VGLL4: variants seen among roughly 807,000 people sequenced by gnomAD.
VGLL4 encodes vestigial like family member 4, also known as transcription cofactor vestigial-like protein 4.
VGLL4 carries 7 observed loss-of-function variants against 21.0 expected under a neutral mutation model. The observed-to-expected ratio is 0.33, with a 90% confidence interval of 0.19 to 0.63. The LOEUF (loss-of-function observed/expected upper bound fraction) is 0.63, where lower values mean the gene tolerates loss of function less well. Ranked by LOEUF, VGLL4 falls within the 20% of genes least tolerant of loss-of-function variation. VGLL4 has a pLI of 0.78. For synonymous variants in VGLL4, 222 were observed against 173.2 expected (o/e 1.28, Z -2.21); for missense variants, 394 against 425.7 (o/e 0.93, Z 0.66).
chr3:11,700,002 T>C (rs746040684), intron 2 of VGLL4, among the ~76,000 whole-genome samples: 6 of 152,162 alleles, frequency 3.9e-5, no homozygotes, highest in East Asian at 1.9e-4. Context: ...TCCCAAACCA[T>C]AGGTTCCAAA....
chr3:11,701,173 G>C (rs1394139008), intron 2 of VGLL4, among the ~76,000 whole-genome samples: 1 of 152,090 alleles, frequency 6.6e-6, no homozygotes, highest in Non-Finnish European at 1.5e-5. Flanking sequence ...GGTCATGGGG[G>C]TGGATCCCTC....
chr3:11,694,919 T>C (rs538680018), intron 2 of VGLL4, among the ~76,000 whole-genome samples: 22 of 152,334 alleles, frequency 1.4e-4, no homozygotes, highest in African/African-American at 4.3e-4. Context: ...ATTTAGTTTA[T>C]AAATGTGTAT....
At chr3:11,575,613 G>A (rs995934922) in intron 2 of VGLL4, among the ~76,000 whole-genome samples, 4 of 152,206 alleles carry the variant, frequency 2.6e-5, no homozygotes, top group Admixed American at 6.5e-5. Flanking sequence ...AGCGGCAGCC[G>A]CTTAAAGAAA....
chr3:11,644,739 A>C (rs1405052089), upstream of VGLL4, among the ~76,000 whole-genome samples: 1 of 151,228 alleles, frequency 6.6e-6, no homozygotes, highest in African/African-American at 2.4e-5. Context: ...CCAGCTACTC[A>C]GGAGGCTGAG....
intron 2 of VGLL4, among the ~76,000 whole-genome samples, chr3:11,692,012 A>G (rs1185887054): frequency 6.6e-6 from 1 of 151,214 alleles, no homozygotes; most frequent in African/African-American, 2.4e-5. Context: ...GAACTACTTC[A>G]TCCAAAAATT....
intron 1 of VGLL4, among the ~76,000 whole-genome samples, chr3:11,616,191 C>A (rs1050755239): frequency 1.3e-5 from 2 of 152,094 alleles, no homozygotes; most frequent in Non-Finnish European, 2.9e-5. Context: ...TCTGCACACG[C>A]AGGGGATGCC....
rs2075294330 is a variant in VGLL4, at chr3:11,623,040, ACTCACCATCCACC to A, written c.82+20384_82+20396del. On this transcript the variant is annotated intron_variant, in intron 1 of 4. Transcript: ENST00000430365. ...CCTTTCTTGCCAAAGGTGGATGGCT[ACTCACCATCCACC>A]TTTTAGTTATGGATTCCAATGCTGG... Among the ~76,000 whole-genome samples, 2 of 152,158 alleles carry A rather than the reference ACTCACCATCCACC, an allele frequency of 1.3e-5. 1 individual carries two copies. Among genetic ancestry groups the A allele is most frequent in the South Asian group, 4.1e-4 (2 of 4,822 alleles).
At chr3:11,644,943 A>G (rs1240032264), upstream of VGLL4, among the ~76,000 whole-genome samples, 5 of 152,090 alleles carry the variant, frequency 3.3e-5, no homozygotes, top group African/African-American at 1.2e-4. Flanking sequence ...TCAAAAATTA[A>G]AAGTGTACTT....
intron 1 of VGLL4, among the ~76,000 whole-genome samples, chr3:11,715,532 C>T (rs1260582836): frequency 6.6e-6 from 1 of 152,074 alleles, no homozygotes; most frequent in Admixed American, 6.6e-5. Context: ...CGGGGTTTCA[C>T]CATGTTGGCC....
chr3:11,623,035 T>C (rs1421062863), intron 1 of VGLL4, among the ~76,000 whole-genome samples: 1 of 152,228 alleles, frequency 6.6e-6, no homozygotes, highest in Non-Finnish European at 1.5e-5. Flanking sequence ...CAAAGGTGGA[T>C]GGCTACTCAC....
chr3:11,617,432 A>C (rs1322839349), intron 1 of VGLL4, among the ~76,000 whole-genome samples: 1 of 152,220 alleles, frequency 6.6e-6, no homozygotes, highest in Non-Finnish European at 1.5e-5. Context: ...ACACAGCTAC[A>C]GGGAGGCTTC....
intron 2 of VGLL4, chr3:11,582,162 C>A: frequency 8.5e-7 from 1 of 1,178,338 alleles, no homozygotes. Flanking sequence ...GCAAAGACTA[C>A]TCTACCTCTC....
chr3:11,589,285 G>T (rs2074428786), intron 2 of VGLL4, among the ~76,000 whole-genome samples: 1 of 152,114 alleles, frequency 6.6e-6, no homozygotes, highest in Non-Finnish European at 1.5e-5. Context: ...ATGGAGGCGG[G>T]GAGAGGTAGG....
In VGLL4 at chr3:11,671,455, G is replaced by A. The variant is rs115638930; in HGVS notation, c.64+31516C>T. On this transcript the variant is annotated intron_variant, in intron 2 of 5. Transcript: ENST00000273038. ...ACACAGTTGTCCCTCAGTATTCGCC[G>A]GGGATTGGTCCCAGGACCCCCAGGT... The A allele has an allele frequency of 5.3e-4, 386 of 727,204 alleles. 2 individuals are homozygous for A. The highest frequency in any genetic ancestry group is 3.4e-3 in the African/African-American group (200 of 58,654). 45.0% of individuals were successfully genotyped at this position (727,204 alleles called of 1,614,324 possible).
chr3:11,609,942 A>C (rs1226912061), intron 1 of VGLL4, among the ~76,000 whole-genome samples: 1 of 152,212 alleles, frequency 6.6e-6, no homozygotes, highest in Non-Finnish European at 1.5e-5. Flanking sequence ...GCCGTGCCGA[A>C]CAGAGAGTTT....
At position 11,708,656 on chromosome 3, in the gene VGLL4, C is replaced by A. The variant is rs550570671; in HGVS notation, c.-13-5609G>T. ...ATTTCCTTTATGAGCCACAAATTATCCTCTACCTTACACAAAAAATTATGC... is the reference window on the plus strand; with the variant it reads ...ATTTCCTTTATGAGCCACAAATTATACTCTACCTTACACAAAAAATTATGC... On this transcript the variant is annotated intron_variant, in intron 1 of 5. Coordinates refer to the VGLL4 transcript ENST00000273038. 2.4e-4 allele frequency among the ~76,000 whole-genome samples: 36 copies of A among 152,324 alleles called. 1 individual carries two copies. Among genetic ancestry groups the A allele is most frequent in the African/African-American group, 8.2e-4 (34 of 41,568 alleles).
chr3:11,597,971 CTCTT>C (rs1258678984), intron 2 of VGLL4, among the ~76,000 whole-genome samples: 1 of 152,172 alleles, frequency 6.6e-6, no homozygotes, highest in African/African-American at 2.4e-5. Flanking sequence ...AAGGAAACCT[CTCTT>C]TTTTTCCCCT....
intron 1 of VGLL4, among the ~76,000 whole-genome samples, chr3:11,637,737 G>A (rs62245781): frequency 0.2 from 31,060 of 152,084 alleles, 3,612 homozygotes; most frequent in East Asian, 0.33. Flanking sequence ...AGAAAGGAAA[G>A]GAGAGCAAAT....
chr3:11,575,261 C>T (rs1028933659), intron 2 of VGLL4, among the ~76,000 whole-genome samples: 7 of 152,222 alleles, frequency 4.6e-5, no homozygotes, highest in Admixed American at 2.0e-4. Context: ...TCAGAGCAAA[C>T]GGGCGTCCAT....
Sources: gnomAD v4.1 joint callset for allele counts (sites outside exome capture counted in the v4.1 genomes callset) on GRCh38, gnomAD v4.1.1 for gene constraint, MANE v1.5 for transcripts, NCBI Gene and HGNC (gene_info 2026-07-23, HGNC 2026-07-21) for gene names.